Variants in PLD5 observed in about 807,000 individuals in gnomAD.
PLD5 encodes the protein inactive phospholipase D5.
In PLD5, 36 loss-of-function variants were observed where a neutral mutation model predicts 61.1. That is an observed-to-expected ratio of 0.59 (90% CI 0.45 to 0.78). PLD5 has a LOEUF of 0.78. Among genes scored for constraint, PLD5 ranks in the 30% least tolerant of loss-of-function variants. PLD5 has a pLI of 0.00. For missense variants in PLD5, 515 were observed against 644.4 expected (o/e 0.80, Z 2.17); for synonymous variants, 243 against 242.8 (o/e 1.00, Z -0.01).
intron 2 of PLD5, among the ~76,000 whole-genome samples, chr1:242,303,250 C>T (rs1676164438): frequency 6.6e-6 from 1 of 152,214 alleles, no homozygotes; most frequent in South Asian, 2.1e-4. Context: ...CAATGATAGT[C>T]AATCACACTG....
intron 4 of PLD5, among the ~76,000 whole-genome samples, chr1:242,258,132 C>A (rs1467112244): frequency 6.6e-6 from 1 of 152,200 alleles, no homozygotes; most frequent in Non-Finnish European, 1.5e-5. Context: ...CATATAAAAA[C>A]CGATTTGAAT....
intron 1 of PLD5, among the ~76,000 whole-genome samples, chr1:242,462,940 A>G (rs1022980739): frequency 6.6e-6 from 1 of 152,206 alleles, no homozygotes; most frequent in African/African-American, 2.4e-5. Context: ...AAATGTCACC[A>G]TATATGTAGA....
At chr1:242,425,922 C>A (rs1481550056) in intron 1 of PLD5, among the ~76,000 whole-genome samples, 1 of 152,108 alleles carries the variant, frequency 6.6e-6, no homozygotes, top group Non-Finnish European at 1.5e-5. Context: ...GGATTACAGG[C>A]ATGAGCCACT....
At chr1:242,105,278 C>T (rs1292923431) in intron 8 of PLD5, among the ~76,000 whole-genome samples, 1 of 151,084 alleles carries the variant, frequency 6.6e-6, no homozygotes, top group African/African-American at 2.4e-5. Flanking sequence ...GGCTGGAATG[C>T]AGTGGTGCAA....
intron 1 of PLD5, among the ~76,000 whole-genome samples, chr1:242,367,205 C>A (rs912763295): frequency 1.6e-4 from 25 of 151,974 alleles, no homozygotes; most frequent in African/African-American, 6.0e-4. Flanking sequence ...AAAAGGAGTA[C>A]CACCTATGGA....
At chr1:242,331,616 G>A (rs1659177980) in intron 2 of PLD5, among the ~76,000 whole-genome samples, 1 of 152,148 alleles carries the variant, frequency 6.6e-6, no homozygotes. Context: ...AAGAGACACG[G>A]CAGATACAAA....
At chr1:242,231,866 G>A (rs1436400782) in intron 4 of PLD5, among the ~76,000 whole-genome samples, 1 of 151,230 alleles carries the variant, frequency 6.6e-6, no homozygotes, top group Non-Finnish European at 1.5e-5. Flanking sequence ...AATGCAAGAA[G>A]GATGTATCCT....
intron 1 of PLD5, among the ~76,000 whole-genome samples, chr1:242,403,049 C>T (rs935524571): frequency 1.3e-5 from 2 of 152,210 alleles, no homozygotes; most frequent in East Asian, 1.9e-4. Context: ...AACCTTTTAG[C>T]GCCAGCCTGA....
At chr1:242,125,100 T>C (rs1013059642) in intron 5 of PLD5, among the ~76,000 whole-genome samples, 1 of 152,238 alleles carries the variant, frequency 6.6e-6, no homozygotes, top group African/African-American at 2.4e-5. Flanking sequence ...GTTCTGTTAA[T>C]AGCTCCACAA....
chr1:242,344,912 G>A (rs923724086), intron 2 of PLD5, among the ~76,000 whole-genome samples: 4 of 152,142 alleles, frequency 2.6e-5, no homozygotes, highest in African/African-American at 4.8e-5. Context: ...GAATCGTGGC[G>A]GGAGATGAAA....
rs1207068428 is a variant in PLD5 at position 242,394,958 on chromosome 1, AAT to A, written c.190-46718_190-46717del. 6.0e-4 allele frequency among the ~76,000 whole-genome samples: 42 copies of A among 69,740 alleles called. 1 individual carries two copies. Among genetic ancestry groups the A allele is most frequent in the East Asian group, 8.8e-4 (3 of 3,416 alleles). 45.8% of individuals were successfully genotyped at this position (69,740 alleles called of 152,430 possible). ...ATATGAATATATATGATTATATATG[AAT>A]ATATATGATTATATATGAATATATA... On this transcript the variant is annotated intron_variant, in intron 1 of 9. Transcript: ENST00000536534.
chr1:242,231,971 G>A lies in PLD5; in HGVS notation c.608-11856C>T, dbSNP rs569544791. Among the ~76,000 whole-genome samples, 6 of 149,126 alleles carry A rather than the reference G, an allele frequency of 4.0e-5. No homozygotes were observed. The East Asian group carries it at 1.2e-3, about 29-fold the overall frequency. On this transcript the variant is annotated intron_variant, in intron 4 of 9. Coordinates refer to ENST00000536534, the MANE Select transcript of PLD5 (RefSeq NM_001372062.1). ...AAAAAAAGAAAGAAAAAGAAAAAAA[G>A]ATGACCAATGTAAGCAAAAATGACG...
intron 2 of PLD5, among the ~76,000 whole-genome samples, chr1:242,328,400 TTG>T (rs529805510): frequency 5.6e-4 from 85 of 152,312 alleles, no homozygotes; most frequent in African/African-American, 1.6e-3. Context: ...TTCTACATAG[TTG>T]TGTGTTCTAC....
chr1:242,135,584 GC>G lies in PLD5; in HGVS notation c.736-10920del, dbSNP rs1663654204. Reference sequence around the variant, plus strand: ...ATGCTAGGAAAACAAATGCAGAGAGGCCTCATAGGATTATTGATGGAAAGAT... The same window carrying G: ...ATGCTAGGAAAACAAATGCAGAGAGGCTCATAGGATTATTGATGGAAAGAT... On this transcript the variant is annotated intron_variant, in intron 5 of 9. Transcript: ENST00000536534. Among the ~76,000 whole-genome samples, 2 of 151,940 alleles carry G rather than the reference GC, an allele frequency of 1.3e-5. 1 individual carries two copies. Among genetic ancestry groups the G allele is most frequent in the South Asian group, 4.3e-4 (2 of 4,676 alleles).
chr1:242,243,171 G>C (rs1213566713), intron 4 of PLD5, among the ~76,000 whole-genome samples: 1 of 152,256 alleles, frequency 6.6e-6, no homozygotes, highest in African/African-American at 2.4e-5. Flanking sequence ...ACATATGCCA[G>C]GGCCTGCTGT....
chr1:242,466,543 G>A lies in PLD5; in HGVS notation c.189+57545C>T, dbSNP rs909803524. Among the ~76,000 whole-genome samples, 4 of 152,138 alleles carry A rather than the reference G, an allele frequency of 2.6e-5. No individual in the cohort carries two copies. The East Asian group carries it at 7.7e-4, about 29-fold the overall frequency. On this transcript the variant is annotated intron_variant, in intron 1 of 9. Coordinates refer to ENST00000536534, the MANE Select transcript of PLD5 (RefSeq NM_001372062.1). Reference sequence around the variant, plus strand: ...CATGGATGAACCTGTACGACATTAAGCTAAGTGAAAGAAGCCAGGCACAAA... The same window carrying A: ...CATGGATGAACCTGTACGACATTAAACTAAGTGAAAGAAGCCAGGCACAAA...
intron 1 of PLD5, among the ~76,000 whole-genome samples, chr1:242,471,540 T>C (rs1458156605): frequency 6.6e-6 from 1 of 152,128 alleles, no homozygotes; most frequent in African/African-American, 2.4e-5. Flanking sequence ...CTATATCTAG[T>C]ACTGTAAATA....
chr1:242,512,416 A>G (rs1668954769), intron 1 of PLD5, among the ~76,000 whole-genome samples: 1 of 18,688 alleles, frequency 5.4e-5, no homozygotes, highest in African/African-American at 5.9e-4. Flanking sequence ...ACTCCATCTC[A>G]AAAAAAAAAA....
intron 6 of PLD5, among the ~76,000 whole-genome samples, chr1:242,118,535 A>G (rs1457627828): frequency 6.6e-6 from 1 of 152,228 alleles, no homozygotes; most frequent in African/African-American, 2.4e-5. Context: ...CCATGCACAT[A>G]TTATATGCTC....
Sources: gnomAD v4.1 joint callset for allele counts (sites outside exome capture counted in the v4.1 genomes callset) on GRCh38, gnomAD v4.1.1 for gene constraint, MANE v1.5 for transcripts, NCBI Gene and HGNC (gene_info 2026-07-23, HGNC 2026-07-21) for gene names.